The following PRKG1 variants were observed in gnomAD, a reference collection of about 807,000 sequenced individuals.
PRKG1 encodes the protein cGMP-dependent protein kinase 1.
In PRKG1, 35 loss-of-function variants were observed where a neutral mutation model predicts 88.1. The ratio of observed to expected loss-of-function variants is 0.40; its 90% CI spans 0.30 to 0.53. The LOEUF (loss-of-function observed/expected upper bound fraction) is 0.53. Ranked by LOEUF, PRKG1 falls within the 20% of genes least tolerant of loss-of-function variation. PRKG1 has a pLI of 0.59. For synonymous variants in PRKG1, 303 were observed against 292.5 expected (o/e 1.04, Z -0.37); for missense variants, 540 against 839.8 (o/e 0.64, Z 4.41).
chr10:51,698,932 CTG>C, intron 3 of PRKG1: 6 of 1,614,234 alleles, frequency 3.7e-6, no homozygotes, highest in Non-Finnish European at 5.1e-6. Flanking sequence ...CAGACACAGA[CTG>C]AGATTTGCCT....
At chr10:51,234,743 G>A (rs1401185176) in intron 2 of PRKG1, among the ~76,000 whole-genome samples, 1 of 151,354 alleles carries the variant, frequency 6.6e-6, no homozygotes, top group African/African-American at 2.4e-5. Flanking sequence ...TCCTCAATTA[G>A]AGTCCTAGCC....
intron 3 of PRKG1, among the ~76,000 whole-genome samples, chr10:51,705,832 A>G (rs1841591782): frequency 6.6e-6 from 1 of 152,228 alleles, no homozygotes; most frequent in Non-Finnish European, 1.5e-5. Context: ...CTCATAAATC[A>G]TTGTTCTATT....
chr10:51,953,298 T>C (rs1843227788), intron 5 of PRKG1, among the ~76,000 whole-genome samples: 1 of 152,202 alleles, frequency 6.6e-6, no homozygotes, highest in Non-Finnish European at 1.5e-5. Context: ...TTCAAACTGT[T>C]TTCCAGGCAG....
At chr10:51,668,725 G>GAA (rs111745755) in intron 3 of PRKG1, among the ~76,000 whole-genome samples, 1 of 147,840 alleles carries the variant, frequency 6.8e-6, no homozygotes, top group South Asian at 2.1e-4. Context: ...TTGTGTTTTA[G>GAA]AAAAAAAAAA....
intron 9 of PRKG1, among the ~76,000 whole-genome samples, chr10:52,214,882 A>G (rs938203334): frequency 3.0e-4 from 45 of 152,144 alleles, no homozygotes; most frequent in African/African-American, 1.1e-3. Flanking sequence ...CTGAGGGAAC[A>G]GTTTCTGCTA....
At chr10:51,497,427 A>G (rs1446872859) in intron 3 of PRKG1, among the ~76,000 whole-genome samples, 2 of 152,204 alleles carry the variant, frequency 1.3e-5, no homozygotes, top group Non-Finnish European at 2.9e-5. Context: ...GCCCTTCTGC[A>G]GCTTGTAGTC....
At position 51,567,787 on chromosome 10, in the gene PRKG1, A is replaced by G. The variant is rs149025434; in HGVS notation, c.592+99951A>G. Reference sequence around the variant, plus strand: ...TTTTTTGTAGAGATGGGTTTTTGCCATGTTGGCCAGGCTGTTCTCAAACTC... The same window carrying G: ...TTTTTTGTAGAGATGGGTTTTTGCCGTGTTGGCCAGGCTGTTCTCAAACTC... On this transcript the variant is annotated intron_variant, in intron 3 of 17. Coordinates refer to ENST00000373980, the MANE Select transcript of PRKG1 (RefSeq NM_006258.4). Among the ~76,000 whole-genome samples, 1,219 of 152,144 alleles carry G rather than the reference A, an allele frequency of 8.0e-3. 9 individuals carry two copies. The highest frequency in any genetic ancestry group is 0.021 in the South Asian group (102 of 4,816).
chr10:51,738,658 C>T (rs1412288346), intron 3 of PRKG1, among the ~76,000 whole-genome samples: 3 of 147,958 alleles, frequency 2.0e-5, no homozygotes, highest in Non-Finnish European at 4.5e-5. Context: ...TGACTGGGCT[C>T]TAATTTCACC....
intron 3 of PRKG1, among the ~76,000 whole-genome samples, chr10:51,800,286 C>T (rs545634495): frequency 2.0e-5 from 3 of 152,144 alleles, no homozygotes; most frequent in Admixed American, 6.6e-5. Context: ...TTAGTCAGTT[C>T]GGACTATTGT....
intron 6 of PRKG1, among the ~76,000 whole-genome samples, chr10:52,059,472 G>C (rs997383834): frequency 6.6e-6 from 1 of 151,394 alleles, no homozygotes; most frequent in Non-Finnish European, 1.5e-5. Flanking sequence ...ATAAACTATT[G>C]AATCTTGCAA....
At chr10:51,636,712 G>A (rs964016938) in intron 3 of PRKG1, among the ~76,000 whole-genome samples, 10 of 152,182 alleles carry the variant, frequency 6.6e-5, no homozygotes, top group African/African-American at 1.9e-4. Flanking sequence ...CAGCCAGAAC[G>A]TAAAGATCTA....
At chr10:52,054,775 C>A (rs912813993) in intron 6 of PRKG1, among the ~76,000 whole-genome samples, 2 of 151,994 alleles carry the variant, frequency 1.3e-5, no homozygotes, top group Non-Finnish European at 2.9e-5. Context: ...TGCTAATAAT[C>A]ATAATATTAG....
chr10:51,479,942 A>C (rs1013193646), intron 3 of PRKG1, among the ~76,000 whole-genome samples: 1 of 152,134 alleles, frequency 6.6e-6, no homozygotes, highest in Non-Finnish European at 1.5e-5. Context: ...TTGAATCACC[A>C]GTAGCTTAAA....
chr10:51,697,103 A>AT (rs1491289582), intron 3 of PRKG1: 2 of 152,254 alleles, frequency 1.3e-5, no homozygotes, highest in African/African-American at 4.8e-5. Flanking sequence ...TTCAGGTAAC[A>AT]TAACTTTAGA....
At chr10:52,265,485 G>A (rs1029817642) in intron 10 of PRKG1, among the ~76,000 whole-genome samples, 3 of 152,050 alleles carry the variant, frequency 2.0e-5, no homozygotes, top group Admixed American at 2.0e-4. Context: ...TTAATAACAA[G>A]GTTAAATGAA....
intron 10 of PRKG1, among the ~76,000 whole-genome samples, chr10:52,264,121 A>G (rs1464666782): frequency 6.6e-6 from 1 of 152,042 alleles, no homozygotes; most frequent in Non-Finnish European, 1.5e-5. Flanking sequence ...CAGGATGTCT[A>G]CATTGCTTTC....
At chr10:52,284,205 G>A (rs1283376738) in intron 14 of PRKG1, among the ~76,000 whole-genome samples, 3 of 151,786 alleles carry the variant, frequency 2.0e-5, no homozygotes, top group Non-Finnish European at 4.4e-5. Context: ...AATTTAAAAA[G>A]CATTTTTCTA....
At chr10:51,509,550 T>C (rs904547373) in intron 3 of PRKG1, among the ~76,000 whole-genome samples, 1 of 152,172 alleles carries the variant, frequency 6.6e-6, no homozygotes. Context: ...TATTTTTTCA[T>C]TCATGTGTAG....
chr10:51,309,039 A>C (rs1589342408), intron 2 of PRKG1, among the ~76,000 whole-genome samples: 1 of 152,148 alleles, frequency 6.6e-6, no homozygotes, highest in East Asian at 1.9e-4. Flanking sequence ...ACAGCCAAGC[A>C]GGAAGGGGTA....
Sources: allele counts gnomAD v4.1 joint callset (sites outside exome capture counted in the v4.1 genomes callset), GRCh38; gene constraint gnomAD v4.1.1; transcripts MANE v1.5; gene names NCBI Gene and HGNC (gene_info 2026-07-23, HGNC 2026-07-21).